The following DOCK4 variants were observed in gnomAD, a reference collection of about 807,000 sequenced individuals.
The protein encoded by DOCK4 is dedicator of cytokinesis 4.
DOCK4 carries 97 observed loss-of-function variants against 268.1 expected under a neutral mutation model. The observed-to-expected ratio is 0.36, with a 90% confidence interval of 0.31 to 0.43. The LOEUF is 0.43. Among genes scored for constraint, DOCK4 ranks in the 20% least tolerant of loss-of-function variants. The pLI, the probability that DOCK4 is intolerant of heterozygous loss-of-function variation, is 1.00. For synonymous variants in DOCK4, 954 were observed against 887.2 expected (o/e 1.08, Z -1.34); for missense variants, 2,145 against 2,455.7 (o/e 0.87, Z 2.67).
At chr7:112,061,537 A>G (rs939989340) in intron 1 of DOCK4, among the ~76,000 whole-genome samples, 1 of 151,374 alleles carries the variant, frequency 6.6e-6, no homozygotes, top group African/African-American at 2.4e-5. Context: ...GCTTTCTAAC[A>G]CTCCATCCTT....
chr7:112,008,237 G>A (rs1434232610), intron 1 of DOCK4, among the ~76,000 whole-genome samples: 1 of 152,098 alleles, frequency 6.6e-6, no homozygotes, highest in Non-Finnish European at 1.5e-5. Flanking sequence ...GTGGTGATGT[G>A]TTCATCTCTG....
intron 39 of DOCK4, among the ~76,000 whole-genome samples, chr7:111,762,504 AT>A (rs1451879035): frequency 6.6e-6 from 1 of 152,054 alleles, no homozygotes; most frequent in Non-Finnish European, 1.5e-5. Context: ...AAGTTCATCC[AT>A]TTTGTAGCAC....
intron 23 of DOCK4, among the ~76,000 whole-genome samples, chr7:111,854,211 A>C (rs940753554): frequency 6.6e-6 from 1 of 152,248 alleles, no homozygotes; most frequent in Non-Finnish European, 1.5e-5. Flanking sequence ...ATTCACAGGC[A>C]GACAGCCTGG....
At chr7:112,058,162 A>T (rs987818642) in intron 1 of DOCK4, among the ~76,000 whole-genome samples, 18 of 151,890 alleles carry the variant, frequency 1.2e-4, no homozygotes, top group African/African-American at 3.9e-4. Flanking sequence ...TAGCAGTGAC[A>T]AGCACCTTAT....
Position 112,066,670 on chromosome 7 carries a change from CATATACATATATACATATACATATATAT to C in DOCK4, c.38-62567_38-62540del, listed in dbSNP as rs1296937445. On this transcript the variant is annotated intron_variant, in intron 1 of 52. Transcript: ENST00000428084. ...CATATATACACATATTATACATATA[CATATACATATATACATATACATATATAT>C]ATATATATATATATATATATATATA... 5.7e-3 allele frequency among the ~76,000 whole-genome samples: 294 copies of C among 51,422 alleles called. 4 individuals carry two copies. Among genetic ancestry groups the C allele is most frequent in the African/African-American group, 0.01 (112 of 10,740 alleles). The allele number at this position is 51,422 out of a possible 152,430, so 33.7% of individuals were successfully genotyped here.
intron 28 of DOCK4, among the ~76,000 whole-genome samples, 164 bp downstream of exon 28, chr7:111,811,710 A>G (rs921406075): frequency 6.6e-6 from 1 of 152,148 alleles, no homozygotes; most frequent in African/African-American, 2.4e-5. Context: ...TCTCCTTTTA[A>G]GCGCTATGTG....
At chr7:111,767,156 C>A (rs756129875) in intron 37 of DOCK4, 38 bp from the exon 38 acceptor site, 12 of 1,547,388 alleles carry the variant, frequency 7.8e-6, no homozygotes, top group Non-Finnish European at 1.1e-5. Flanking sequence ...AACCATCTGA[C>A]AATATCCACT....
chr7:111,952,185 T>A (rs182880449), intron 8 of DOCK4, among the ~76,000 whole-genome samples: 3 of 152,128 alleles, frequency 2.0e-5, no homozygotes, highest in Non-Finnish European at 4.4e-5. Flanking sequence ...CATATCTGTG[T>A]TTATGGAAAT....
At position 111,728,689 on chromosome 7, in the gene DOCK4, A is replaced by G. The variant is rs769090003; in HGVS notation, c.5513T>C (p.Val1838Ala). 4 of 1,613,442 alleles carry G rather than the reference A, an allele frequency of 2.5e-6. No homozygotes were observed. The highest frequency in any genetic ancestry group is 3.4e-6 in the Non-Finnish European group (4 of 1,179,722). The stretch of plus-strand genomic sequence containing the variant: ...GATGAGTCCTGGCGAGTGGTACTCC[A>G]CTGGAGAGGGGGTGAAAGACTGCAC... ...GSVQSFTPSPVEYHSPGLISN... is the reference protein window; with the variant it reads ...GSVQSFTPSPAEYHSPGLISN... Residue 1838 changes from valine (V) to alanine (A), a missense_variant, in exon 53 of 53, where the codon GTG becomes GCG. Transcript: ENST00000428084.
intron 1 of DOCK4, among the ~76,000 whole-genome samples, chr7:112,081,816 A>G (rs1410770107): frequency 6.6e-6 from 1 of 152,190 alleles, no homozygotes; most frequent in African/African-American, 2.4e-5. Flanking sequence ...CAAGAATAAA[A>G]AGAGGGAAAA....
intron 42 of DOCK4, among the ~76,000 whole-genome samples, chr7:111,747,758 T>A (rs1240257786): frequency 1.5e-3 from 1 of 686 alleles, no homozygotes; most frequent in Non-Finnish European, 8.9e-3. Context: ...TTAAAACTAG[T>A]TTTTTTTTTC....
chr7:111,983,860 GCGCA>G (rs1469089087), intron 7 of DOCK4, among the ~76,000 whole-genome samples: 1 of 128,922 alleles, frequency 7.8e-6, no homozygotes. Flanking sequence ...GCGCGCGCGC[GCGCA>G]CACACACACA....
At chr7:112,028,705 G>A (rs1304794911) in intron 1 of DOCK4, among the ~76,000 whole-genome samples, 1 of 152,230 alleles carries the variant, frequency 6.6e-6, no homozygotes, top group East Asian at 1.9e-4. Flanking sequence ...CAAGACAGCA[G>A]TGCTCTGCTC....
rs1795925841 is a variant in DOCK4, at chr7:111,741,658, ACTC to A, written c.4798_4800del (p.Glu1600del). 1 of 1,611,430 alleles carries A rather than the reference ACTC, an allele frequency of 6.2e-7. No homozygotes were observed. Among genetic ancestry groups the A allele is most frequent in the South Asian group, 1.1e-5 (1 of 90,430 alleles). On this transcript the variant is annotated inframe_deletion and splice_region_variant, in exon 46 of 53. Coordinates refer to ENST00000428084, the MANE Select transcript of DOCK4 (RefSeq NM_001363540.2). ...GGACTGGCTTGCATACAAGCAGAGA[ACTC>A]CTAAAGATGTAGTAAAGGAAATATC...
intron 1 of DOCK4, among the ~76,000 whole-genome samples, chr7:112,008,255 G>A (rs1801013238): frequency 6.6e-6 from 1 of 152,056 alleles, no homozygotes. Context: ...CTGCCCATTT[G>A]CTACTATGGA....
intron 1 of DOCK4, among the ~76,000 whole-genome samples, chr7:112,174,010 T>TTCCCCACC (rs201021315): frequency 8.0e-5 from 12 of 150,628 alleles, no homozygotes; most frequent in East Asian, 3.9e-4. Context: ...CTCATTGCCT[T>TTCCCCACC]TCCCCACCTC....
chr7:112,158,673 A>T (rs1816829373), intron 1 of DOCK4, among the ~76,000 whole-genome samples: 1 of 152,198 alleles, frequency 6.6e-6, no homozygotes, highest in Non-Finnish European at 1.5e-5. Context: ...AATACTGAAA[A>T]TTTCAAAGAA....
intron 11 of DOCK4, among the ~76,000 whole-genome samples, chr7:111,936,960 T>C (rs1203858714): frequency 6.6e-6 from 1 of 152,160 alleles, no homozygotes; most frequent in Admixed American, 6.5e-5. Flanking sequence ...ACCTGTCTAG[T>C]TGTAAGACAC....
At position 111,834,686 on chromosome 7, in the gene DOCK4, C is replaced by T. The variant is rs748360021; in HGVS notation, c.2737G>A (p.Gly913Arg). 10 of 1,514,834 alleles carry T rather than the reference C, an allele frequency of 6.6e-6. No homozygotes were observed. The South Asian group carries it at 1.3e-4, about 20-fold the overall frequency. The allele number at this position is 1,514,834 out of a possible 1,614,324, so 93.8% of individuals were successfully genotyped here. Residue 913 changes from glycine (G) to arginine (R), a missense_variant and splice_region_variant, in exon 26 of 53, where the codon GGG becomes AGG. Transcript: ENST00000428084. Reference protein sequence around the residue: ...AMRFQFQDVTGEFVACLLSLL... With the variant: ...AMRFQFQDVTREFVACLLSLL... ...GACAGGAGACAAGCAACAAACTCCC[C>T]CTAAGTTAAAAAAAAAAAAAGCATA...
Sources: gnomAD v4.1 joint callset for allele counts (sites outside exome capture counted in the v4.1 genomes callset) on GRCh38, gnomAD v4.1.1 for gene constraint, MANE v1.5 for transcripts, NCBI Gene and HGNC (gene_info 2026-07-23, HGNC 2026-07-21) for gene names.